IL1RAPL2: variants seen among roughly 807,000 people sequenced by gnomAD.
IL1RAPL2 encodes the protein interleukin 1 receptor accessory protein like 2.
A neutral mutation model predicts 44.1 loss-of-function variants in IL1RAPL2; 3 were observed. The ratio of observed to expected loss-of-function variants is 0.07; its 90% confidence interval spans 0.03 to 0.18. The LOEUF (loss-of-function observed/expected upper bound fraction) is 0.18. IL1RAPL2 is among the 10% of genes least tolerant of loss of function. The pLI, the probability that IL1RAPL2 is intolerant of heterozygous loss-of-function variation, is 1.00. For synonymous variants in IL1RAPL2, 181 were observed against 178.8 expected (o/e 1.01, Z -0.10); for missense variants, 391 against 496.4 (o/e 0.79, Z 2.02).
At chrX:104,796,435 C>T (rs1379980964) in intron 2 of IL1RAPL2, among the ~76,000 whole-genome samples, 7 of 111,896 alleles carry the variant, frequency 6.3e-5, no homozygotes, top group Non-Finnish European at 1.3e-4. Context: ...GGAGGGTTGG[C>T]GGTGGTAGAG....
chrX:104,609,085 G>A (rs1383308112), intron 1 of IL1RAPL2, among the ~76,000 whole-genome samples: 1 of 111,584 alleles, frequency 9.0e-6, no homozygotes, highest in African/African-American at 3.3e-5. Flanking sequence ...TGTCTGTAAC[G>A]GATTTTATTT....
chrX:105,261,285 C>T lies in IL1RAPL2; in HGVS notation c.544-6103C>T, dbSNP rs770272126. On this transcript the variant is annotated intron_variant, in intron 4 of 10. Transcript: ENST00000372582. ...GCCGTCATCCTGTCTTGCTTTTCTT[C>T]ATTCTCCACAGGTCAAGTTGTTTTC... Among the ~76,000 whole-genome samples, 249 of 112,083 alleles carry T rather than the reference C, an allele frequency of 2.2e-3. 2 individuals are homozygous for T. The highest frequency in any genetic ancestry group is 4.0e-3 in the Non-Finnish European group (213 of 53,229).
At chrX:105,043,426 A>C (rs764910041) in intron 2 of IL1RAPL2, among the ~76,000 whole-genome samples, 1 of 109,152 alleles carries the variant, frequency 9.2e-6, no homozygotes, top group South Asian at 4.1e-4. Context: ...TGTGCTTTTC[A>C]TTTAGACTTG....
chrX:104,567,304 C>T (rs1375508404), intron 1 of IL1RAPL2, among the ~76,000 whole-genome samples: 1 of 112,897 alleles, frequency 8.9e-6, no homozygotes, highest in Non-Finnish European at 1.9e-5. Context: ...CAGGTGCCCG[C>T]GAGCCCAAGC....
chrX:105,067,730 G>A (rs1338686835), intron 2 of IL1RAPL2, among the ~76,000 whole-genome samples: 1 of 111,905 alleles, frequency 8.9e-6, no homozygotes, highest in Non-Finnish European at 1.9e-5. Context: ...ATTAACTGAG[G>A]GTATTTAGGA....
intron 2 of IL1RAPL2, among the ~76,000 whole-genome samples, chrX:104,835,368 AACTGAT>A (rs1212483074): frequency 9.0e-6 from 1 of 111,152 alleles, no homozygotes; most frequent in Non-Finnish European, 1.9e-5. Flanking sequence ...GGATTTTAAA[AACTGAT>A]ACTATCAGGA....
At chrX:104,809,570 GGTT>G (rs2147617639) in intron 2 of IL1RAPL2, among the ~76,000 whole-genome samples, 1 of 109,547 alleles carries the variant, frequency 9.1e-6, no homozygotes, top group Non-Finnish European at 1.9e-5. Flanking sequence ...TTTTTGATGG[GGTT>G]GTTTGTTTTT....
intron 2 of IL1RAPL2, among the ~76,000 whole-genome samples, chrX:104,739,589 G>C (rs772749209): frequency 7.2e-4 from 81 of 111,774 alleles, no homozygotes; most frequent in African/African-American, 2.3e-3. Context: ...TGACCATATG[G>C]ATTGCTCCCC....
chrX:105,485,321 A>G (rs2036258356), intron 6 of IL1RAPL2, among the ~76,000 whole-genome samples: 1 of 111,332 alleles, frequency 9.0e-6, no homozygotes, highest in African/African-American at 3.3e-5. Context: ...ATTTTTAATT[A>G]TTGTGGGTAC....
chrX:105,293,907 G>A (rs1424725157), intron 5 of IL1RAPL2, among the ~76,000 whole-genome samples: 5 of 112,370 alleles, frequency 4.4e-5, no homozygotes, highest in Non-Finnish European at 9.4e-5. Flanking sequence ...TTACAACATA[G>A]TAATTGAATT....
intron 4 of IL1RAPL2, among the ~76,000 whole-genome samples, chrX:105,248,994 T>C: frequency 9.0e-6 from 1 of 111,369 alleles, no homozygotes; most frequent in Non-Finnish European, 1.9e-5. Context: ...CACAGCTGGG[T>C]ATATACCCAA....
chrX:105,181,002 A>G (rs782511582), intron 2 of IL1RAPL2, among the ~76,000 whole-genome samples: 5 of 111,684 alleles, frequency 4.5e-5, no homozygotes, highest in African/African-American at 1.3e-4. Flanking sequence ...TAATGATGCA[A>G]TTGTGCTACT....
chrX:105,133,770 C>G (rs2033050752), intron 2 of IL1RAPL2, among the ~76,000 whole-genome samples: 1 of 110,480 alleles, frequency 9.1e-6, no homozygotes, highest in African/African-American at 3.3e-5. Context: ...GCAGGAGGGG[C>G]AAACTCCCTC....
chrX:104,715,480 A>C (rs1028172319), intron 2 of IL1RAPL2, among the ~76,000 whole-genome samples: 11 of 103,783 alleles, frequency 1.1e-4, no homozygotes, highest in African/African-American at 3.8e-4. Flanking sequence ...TTGTGTCTCT[A>C]TCTCCTTCAG....
chrX:105,538,644 G>A (rs7877795), intron 6 of IL1RAPL2, among the ~76,000 whole-genome samples: 17,573 of 110,918 alleles, frequency 0.16, 3,441 homozygotes, highest in African/African-American at 0.55. Flanking sequence ...TGAAAATATT[G>A]CAGATAAAGT....
intron 2 of IL1RAPL2, among the ~76,000 whole-genome samples, chrX:104,672,112 T>A (rs2148028506): frequency 9.0e-6 from 1 of 111,568 alleles, no homozygotes; most frequent in African/African-American, 3.3e-5. Context: ...TCTTTTTTTT[T>A]TATACTTTAA....
chrX:104,943,771 T>C (rs1925265522), intron 2 of IL1RAPL2, among the ~76,000 whole-genome samples: 1 of 111,643 alleles, frequency 9.0e-6, no homozygotes, highest in Non-Finnish European at 1.9e-5. Flanking sequence ...TACTATAAAA[T>C]TTACTTACCT....
At chrX:104,896,090 G>A (rs1394019897) in intron 2 of IL1RAPL2, among the ~76,000 whole-genome samples, 1 of 111,569 alleles carries the variant, frequency 9.0e-6, no homozygotes, top group Non-Finnish European at 1.9e-5. Context: ...ATGTTTACAG[G>A]AAAAGGCTTC....
intron 5 of IL1RAPL2, among the ~76,000 whole-genome samples, chrX:105,335,986 T>A (rs1451266975): frequency 1.8e-5 from 2 of 112,036 alleles, no homozygotes; most frequent in Non-Finnish European, 3.8e-5. Context: ...CCCAAATGAG[T>A]ACAGTTATTG....
Sources: allele counts gnomAD v4.1 joint callset (sites outside exome capture counted in the v4.1 genomes callset), GRCh38; gene constraint gnomAD v4.1.1; transcripts MANE v1.5; gene names NCBI Gene and HGNC (gene_info 2026-07-23, HGNC 2026-07-21).